LRP1B: variants seen among roughly 807,000 people sequenced by gnomAD.
LRP1B encodes the protein LDL receptor related protein 1B.
LRP1B carries 217 observed loss-of-function variants against 556.6 expected under a neutral mutation model. The observed-to-expected ratio is 0.39, with a 90% CI of 0.35 to 0.44. The LOEUF (loss-of-function observed/expected upper bound fraction) is 0.44. Ranked by LOEUF, LRP1B falls within the 20% of genes least tolerant of loss-of-function variation. The pLI is 1.00. For synonymous variants in LRP1B, 2,047 were observed against 1,865.8 expected, an observed-to-expected ratio of 1.10 and a Z score of -2.50; for missense variants, 5,053 against 5,620.8, an observed-to-expected ratio of 0.90 and a Z score of 3.23.
At chr2:141,427,199 T>G (rs1680400625) in intron 3 of LRP1B, among the ~76,000 whole-genome samples, 2 of 152,342 alleles carry the variant, frequency 1.3e-5, no homozygotes, top group South Asian at 4.1e-4. Context: ...AAATATAATC[T>G]GACTTGATTT....
rs1167810412 is a variant in LRP1B, at chr2:140,991,426, G to A, written c.2645-1769C>T. Among the ~76,000 whole-genome samples the A allele has an allele frequency of 2.0e-5, 3 of 152,068 alleles. No homozygotes were observed. The East Asian group carries it at 5.8e-4, about 29-fold the overall frequency. On this transcript the variant is annotated intron_variant, in intron 16 of 90. Coordinates refer to ENST00000389484, the MANE Select transcript of LRP1B (RefSeq NM_018557.3). ...TTAGAATATTAACCATGAGATCTCA[G>A]AAATAAAATGTTGCTCAGAATCACT...
At position 141,464,947 on chromosome 2, in the gene LRP1B, T is replaced by TA. The variant is rs531026239; in HGVS notation, c.343+15448dup. 2.7e-3 allele frequency among the ~76,000 whole-genome samples: 403 copies of TA among 150,382 alleles called. 3 individuals are homozygous for TA. The highest frequency in any genetic ancestry group is 9.5e-3 in the African/African-American group (385 of 40,642). ...AAAATAAAACAAAAATCAATAGCAA[T>TA]AAAAAAAAGGTTTTGGGTTTATTTG... On this transcript the variant is annotated intron_variant, in intron 3 of 90. Coordinates refer to ENST00000389484, the MANE Select transcript of LRP1B (RefSeq NM_018557.3).
rs182451746 is a variant in LRP1B, at chr2:140,512,781, C to T, written c.8269+1872G>A. On this transcript the variant is annotated intron_variant, in intron 51 of 90. Transcript: ENST00000389484. The stretch of plus-strand genomic sequence containing the variant: ...GGAAATTGGGAAACAACATTTTTAA[C>T]ACACTTCTGAGAACGATCTTTTGTA... Among the ~76,000 whole-genome samples, 3 of 152,226 alleles carry T rather than the reference C, an allele frequency of 2.0e-5. No homozygotes were observed. In the East Asian group the frequency reaches 5.8e-4, roughly 29 times the overall value.
intron 3 of LRP1B, among the ~76,000 whole-genome samples, chr2:141,398,033 CTCT>C (rs1295591042): frequency 6.6e-6 from 1 of 152,044 alleles, no homozygotes; most frequent in Non-Finnish European, 1.5e-5. Context: ...TAGGAAGATA[CTCT>C]TCATCGTATC....
At chr2:140,525,424 C>A (rs1690389249) in intron 49 of LRP1B, among the ~76,000 whole-genome samples, 1 of 151,854 alleles carries the variant, frequency 6.6e-6, no homozygotes, top group Non-Finnish European at 1.5e-5. Flanking sequence ...CAAATTACTA[C>A]ACCAAAGGAT....
rs1029688741 is a variant in LRP1B at position 141,889,038 on chromosome 2, G to A, written c.83-78637C>T. ...TGTGTTTGGGGTACCCCAGAATAGAGCCTCTCTCAGCATAGGATTTCCAGA... is the reference window on the plus strand; with the variant it reads ...TGTGTTTGGGGTACCCCAGAATAGAACCTCTCTCAGCATAGGATTTCCAGA... On this transcript the variant is annotated intron_variant, in intron 1 of 90. Coordinates refer to ENST00000389484, the MANE Select transcript of LRP1B (RefSeq NM_018557.3). Among the ~76,000 whole-genome samples the A allele has an allele frequency of 2.0e-5, 3 of 152,194 alleles. No individual in the cohort carries two copies. The East Asian group carries it at 5.8e-4, about 30-fold the overall frequency.
intron 2 of LRP1B, 126 bp from the exon 3 acceptor site, chr2:141,480,659 C>A: frequency 1.1e-6 from 1 of 926,052 alleles, no homozygotes; most frequent in Non-Finnish European, 1.7e-6. Context: ...AAGAGTGCTG[C>A]TCTTGTTCTC....
At chr2:141,661,605 A>C (rs1334348792) in intron 2 of LRP1B, among the ~76,000 whole-genome samples, 2 of 152,220 alleles carry the variant, frequency 1.3e-5, no homozygotes, top group African/African-American at 4.8e-5. Flanking sequence ...TCTTGCTGAA[A>C]TAAGACAAGC....
intron 33 of LRP1B, 50 bp downstream of exon 33, chr2:140,776,048 G>C (rs374078403): frequency 2.9e-6 from 4 of 1,397,434 alleles, no homozygotes; most frequent in Non-Finnish European, 3.9e-6. Context: ...ATATAAAAAA[G>C]AGCACATTAC....
rs1404526661 is a variant in LRP1B, at chr2:141,696,401, A to C, written c.205+113878T>G. 2.0e-5 allele frequency among the ~76,000 whole-genome samples: 3 copies of C among 152,118 alleles called. No homozygotes were observed. The South Asian group carries it at 6.2e-4, about 31-fold the overall frequency. ...CTTTTAATATTGAATAAAATAAATAAATAATTCTGCAACCATATACAAAAT... is the reference window on the plus strand; with the variant it reads ...CTTTTAATATTGAATAAAATAAATACATAATTCTGCAACCATATACAAAAT... On this transcript the variant is annotated intron_variant, in intron 2 of 90. Transcript: ENST00000389484.
In LRP1B at chr2:140,485,404, T is replaced by C. The variant is rs1435362185; in HGVS notation, c.9364A>G (p.Thr3122Ala). ...EVSKLNGLYP[T>A]ILVSKRLKFP... ...TTCAGCCTTTTGCTAACGAGTATAG[T>C]AGGGTACAAGCCATTGAGTTTGGAT... The change falls in exon 59 of 91, where the codon ACT becomes GCT. Residue 3122 changes from threonine to alanine, a missense_variant. By Grantham distance (58) the Thr-to-Ala change is moderately conservative. Around this residue, in one of 5 missense-constraint regions of LRP1B, gnomAD observed 3,619 missense variants for 3,931.9 expected, o/e 0.92. Coordinates refer to ENST00000389484, the MANE Select transcript of LRP1B (RefSeq NM_018557.3). 3.1e-6 allele frequency: 5 copies of C among 1,613,772 alleles called. No individual in the cohort carries two copies. The highest frequency in any genetic ancestry group is 1.7e-6 in the Non-Finnish European group (2 of 1,179,870).
intron 3 of LRP1B, among the ~76,000 whole-genome samples, chr2:141,346,193 A>C (rs1688251478): frequency 6.6e-6 from 1 of 151,888 alleles, no homozygotes; most frequent in Non-Finnish European, 1.5e-5. Flanking sequence ...ACATTGATAG[A>C]CTTTTCTCAA....
intron 1 of LRP1B, among the ~76,000 whole-genome samples, chr2:142,016,872 G>A (rs1356242351): frequency 2.0e-5 from 3 of 147,972 alleles, no homozygotes; most frequent in African/African-American, 7.4e-5. Context: ...ACACATATAT[G>A]TATATATGTG....
At chr2:141,925,305 G>C (rs910433255) in intron 1 of LRP1B, among the ~76,000 whole-genome samples, 24 of 152,284 alleles carry the variant, frequency 1.6e-4, no homozygotes, top group African/African-American at 5.3e-4. Context: ...TCCTGGAGAA[G>C]AGTTAGGTTT....
intron 7 of LRP1B, among the ~76,000 whole-genome samples, chr2:141,111,878 T>C (rs1161831603): frequency 1.3e-5 from 2 of 151,780 alleles, no homozygotes; most frequent in Non-Finnish European, 2.9e-5. Flanking sequence ...ACCCCGTCTC[T>C]ACCAAAAATA....
At chr2:140,268,822 T>C (rs1285193379) in intron 86 of LRP1B, among the ~76,000 whole-genome samples, 1 of 151,728 alleles carries the variant, frequency 6.6e-6, no homozygotes, top group African/African-American at 2.4e-5. Context: ...CTAAGATCTT[T>C]CATCTATAAA....
At position 140,456,446 on chromosome 2, in the gene LRP1B, T is replaced by G. The variant is rs746351071; in HGVS notation, c.9963+9A>C. On this transcript the variant is annotated intron_variant, in intron 62 of 90. Transcript: ENST00000389484. ...CACTCTATAATAAGATTCCCAGACC[T>G]CCACTCACCTGGCTGGCTGTGCAGT... 6.2e-7 allele frequency: 1 copy of G among 1,610,708 alleles called. No individual in the cohort carries two copies. The highest frequency in any genetic ancestry group is 1.3e-5 in the African/African-American group (1 of 74,802).
intron 7 of LRP1B, among the ~76,000 whole-genome samples, chr2:141,141,134 TTTG>T (rs1230229718): frequency 6.6e-6 from 1 of 152,100 alleles, no homozygotes; most frequent in Non-Finnish European, 1.5e-5. Context: ...TCTGAAACAT[TTTG>T]TTATTTGGTT....
At chr2:140,902,066 A>C (rs1320202415) in intron 23 of LRP1B, among the ~76,000 whole-genome samples, 1 of 152,152 alleles carries the variant, frequency 6.6e-6, no homozygotes, top group East Asian at 1.9e-4. Flanking sequence ...GCTGCTAATG[A>C]CTTTGGTGGT....
Sources: gnomAD v4.1 joint callset for allele counts (sites outside exome capture counted in the v4.1 genomes callset) on GRCh38, gnomAD v4.1.1 for gene constraint, gnomAD v4.1.1 regional missense constraint, MANE v1.5 for transcripts, NCBI Gene and HGNC (gene_info 2026-07-23, HGNC 2026-07-21) for gene names.